RGS7BP: variants seen among roughly 807,000 people sequenced by gnomAD.
RGS7BP encodes the protein regulator of G protein signaling 7 binding protein, also known as regulator of G protein signaling 7-binding protein.
A neutral mutation model predicts 31.3 loss-of-function variants in RGS7BP; 9 were observed. The ratio of observed to expected loss-of-function variants is 0.29; its 90% CI spans 0.17 to 0.50. RGS7BP has a LOEUF of 0.50. Ranked by LOEUF, RGS7BP falls within the 20% of genes least tolerant of loss-of-function variation. RGS7BP has a pLI of 0.98. For missense variants in RGS7BP, 274 were observed against 322.0 expected (o/e 0.85, Z 1.14); for synonymous variants, 115 against 120.1 (o/e 0.96, Z 0.28).
At chr5:64,588,094 T>C (rs1181638620) in intron 3 of RGS7BP, among the ~76,000 whole-genome samples, 1 of 152,206 alleles carries the variant, frequency 6.6e-6, no homozygotes, top group Non-Finnish European at 1.5e-5. Context: ...GTGATCAATA[T>C]ATGCAAAGAG....
intron 3 of RGS7BP, among the ~76,000 whole-genome samples, chr5:64,579,543 CAAAAAAAAAAAA>C (rs34003776): frequency 1.6e-3 from 87 of 53,314 alleles, no homozygotes; most frequent in South Asian, 7.0e-3. Context: ...GACTCCATCT[CAAAAAAAAAAAA>C]AAAAAAAAAA....
chr5:64,541,841 C>T (rs1055309562), intron 2 of RGS7BP, among the ~76,000 whole-genome samples: 1 of 151,938 alleles, frequency 6.6e-6, no homozygotes, highest in Admixed American at 6.6e-5. Context: ...TCTTTGTCTA[C>T]CAATCCTATC....
At chr5:64,579,983 A>T (rs3843449) in intron 3 of RGS7BP, among the ~76,000 whole-genome samples, 107,230 of 152,114 alleles carry the variant, frequency 0.7, 38,585 homozygotes, top group African/African-American at 0.83. Context: ...TTCTTTGATA[A>T]CATTGGAAAC....
rs539391647 is a variant in RGS7BP, at chr5:64,558,749, C to T, written c.333-17025C>T. Reference sequence around the variant, plus strand: ...TAAGAGAAATATCACTGAATTCTTTCCCCAGTAAGGAATATTAATAATTAA... The same window carrying T: ...TAAGAGAAATATCACTGAATTCTTTTCCCAGTAAGGAATATTAATAATTAA... On this transcript the variant is annotated intron_variant, in intron 2 of 5. Transcript: ENST00000334025. 2.0e-5 allele frequency among the ~76,000 whole-genome samples: 3 copies of T among 152,186 alleles called. No homozygotes were observed. In the South Asian group the frequency reaches 6.2e-4, roughly 32 times the overall value.
At position 64,506,810 on chromosome 5, in the gene RGS7BP, T is replaced by C. The variant is rs1748695314; in HGVS notation, c.165+21T>C. Reference sequence around the variant, plus strand: ...AGATGGTGGGTGAAAACTGCGCCTCTTTTTTTTTTTTTTTAATTGAGAGGG... The same window carrying C: ...AGATGGTGGGTGAAAACTGCGCCTCCTTTTTTTTTTTTTTAATTGAGAGGG... On this transcript the variant is annotated intron_variant, in intron 1 of 5. Coordinates refer to ENST00000334025, the MANE Select transcript of RGS7BP (RefSeq NM_001029875.3). This position sits in a 1 kb window ranked among gnomAD's most constrained non-coding sequence, Gnocchi z 4.6. 8.6e-6 allele frequency: 3 copies of C among 350,182 alleles called. No individual in the cohort carries two copies. Among genetic ancestry groups the C allele is most frequent in the East Asian group, 1.3e-4 (1 of 7,710 alleles). The allele number at this position is 350,182 out of a possible 1,614,324, so 21.7% of individuals were successfully genotyped here. A position where few individuals can be genotyped will look rare whatever the true frequency, so the allele number is the denominator to read the frequency against.
intron 2 of RGS7BP, among the ~76,000 whole-genome samples, chr5:64,535,417 T>C (rs1386825000): frequency 1.3e-5 from 2 of 152,174 alleles, no homozygotes; most frequent in Non-Finnish European, 2.9e-5. Flanking sequence ...CATGAATGAA[T>C]GCTAAGGAGA....
intron 2 of RGS7BP, among the ~76,000 whole-genome samples, chr5:64,514,345 A>G (rs1310905434): frequency 6.6e-6 from 1 of 152,204 alleles, no homozygotes; most frequent in Non-Finnish European, 1.5e-5. Context: ...GGGAAAGGGC[A>G]CATAATTTAA....
At chr5:64,535,160 G>A (rs372530828) in intron 2 of RGS7BP, among the ~76,000 whole-genome samples, 4 of 152,198 alleles carry the variant, frequency 2.6e-5, no homozygotes, top group South Asian at 2.1e-4. Context: ...GGATTGGAGG[G>A]CTGAAGAGAA....
intron 2 of RGS7BP, among the ~76,000 whole-genome samples, chr5:64,564,859 G>A (rs1236250383): frequency 1.3e-5 from 2 of 151,980 alleles, no homozygotes; most frequent in Non-Finnish European, 2.9e-5. Flanking sequence ...TAAAAGGGTG[G>A]CTATTCCTCA....
At chr5:64,598,077 C>T (rs1743122633) in intron 4 of RGS7BP, among the ~76,000 whole-genome samples, 1 of 152,174 alleles carries the variant, frequency 6.6e-6, no homozygotes, top group East Asian at 1.9e-4. Flanking sequence ...ACCAATGGCT[C>T]TTCTCTGATC....
In RGS7BP at chr5:64,506,545, G is replaced by T. The variant is rs983965321; in HGVS notation, c.-80G>T. On this transcript the variant is annotated 5_prime_UTR_variant, in exon 1 of 6. Transcript: ENST00000334025. The surrounding 1 kb of genome is among the most constrained non-coding windows in gnomAD (Gnocchi z 4.6). ...CAGGTCCGGGCTCCGGCTGCTTGGC[G>T]GCGGCGCCCAGGGCAACAACCGGGC... 3.0e-6 allele frequency: 4 copies of T among 1,341,822 alleles called. No homozygotes were observed. The highest frequency in any genetic ancestry group is 4.1e-6 in the Non-Finnish European group (4 of 981,452). 83.1% of individuals were successfully genotyped at this position (1,341,822 alleles called of 1,614,324 possible). A position where few individuals can be genotyped will look rare whatever the true frequency, so the allele number is the denominator to read the frequency against.
intron 2 of RGS7BP, among the ~76,000 whole-genome samples, chr5:64,543,097 T>C (rs1158217988): frequency 6.6e-6 from 1 of 152,230 alleles, no homozygotes; most frequent in East Asian, 1.9e-4. Flanking sequence ...TATACAGGAA[T>C]CTATCTACAA....
At chr5:64,574,259 T>C (rs1184709105) in intron 2 of RGS7BP, among the ~76,000 whole-genome samples, 1 of 151,726 alleles carries the variant, frequency 6.6e-6, no homozygotes, top group Non-Finnish European at 1.5e-5. Context: ...CGAGATGAAA[T>C]AATCAGAGGG....
intron 2 of RGS7BP, among the ~76,000 whole-genome samples, chr5:64,542,002 A>T (rs187833186): frequency 2.0e-5 from 3 of 152,124 alleles, no homozygotes; most frequent in Admixed American, 2.0e-4. Flanking sequence ...ATATAATCTG[A>T]GGTACGAATC....
chr5:64,545,021 C>A (rs1241731842), intron 2 of RGS7BP, among the ~76,000 whole-genome samples: 3 of 151,868 alleles, frequency 2.0e-5, no homozygotes, highest in Non-Finnish European at 4.4e-5. Flanking sequence ...ACTAAAAATA[C>A]AAAAGTTAGC....
At chr5:64,527,065 C>G (rs1301076882) in intron 2 of RGS7BP, among the ~76,000 whole-genome samples, 1 of 152,138 alleles carries the variant, frequency 6.6e-6, no homozygotes, top group Non-Finnish European at 1.5e-5. Context: ...GAAAATGGAC[C>G]AAGAAGTTAC....
intron 2 of RGS7BP, among the ~76,000 whole-genome samples, chr5:64,524,275 T>C (rs1192979770): frequency 6.6e-6 from 1 of 152,244 alleles, no homozygotes; most frequent in East Asian, 1.9e-4. Context: ...CCAAAAGTTA[T>C]TTTGTCCCTA....
At chr5:64,587,022 A>G (rs1742774325) in intron 3 of RGS7BP, among the ~76,000 whole-genome samples, 1 of 152,212 alleles carries the variant, frequency 6.6e-6, no homozygotes, top group African/African-American at 2.4e-5. Context: ...GCATAGTCCA[A>G]TGCCAGAGCT....
chr5:64,588,926 C>T (rs981479943), intron 3 of RGS7BP, among the ~76,000 whole-genome samples: 8 of 151,806 alleles, frequency 5.3e-5, no homozygotes, highest in South Asian at 2.1e-4. Flanking sequence ...AATTCCCCAA[C>T]CCTAAAAAAA....
Sources: gnomAD v4.1 joint callset for allele counts (sites outside exome capture counted in the v4.1 genomes callset) on GRCh38, gnomAD v4.1.1 for gene constraint, Gnocchi (gnomAD v3.1) non-coding constraint, MANE v1.5 for transcripts, NCBI Gene and HGNC (gene_info 2026-07-23, HGNC 2026-07-21) for gene names.